Variants in ZNF532 observed in about 807,000 individuals in gnomAD.
ZNF532 encodes zinc finger protein 532.
ZNF532 carries 22 observed loss-of-function variants against 89.3 expected under a neutral mutation model. That is an observed-to-expected ratio of 0.25 (90% CI 0.18 to 0.35). The LOEUF (loss-of-function observed/expected upper bound fraction) is 0.35, where lower values mean the gene tolerates loss of function less well. Ranked by LOEUF, ZNF532 falls within the 10% of genes least tolerant of loss-of-function variation. The pLI is 1.00. For missense variants in ZNF532, 1,132 were observed against 1,643.4 expected (o/e 0.69, Z 5.38); for synonymous variants, 606 against 649.6 (o/e 0.93, Z 1.02).
chr18:58,915,008 T>C (rs1022580855), intron 2 of ZNF532, among the ~76,000 whole-genome samples: 3 of 152,226 alleles, frequency 2.0e-5, no homozygotes, highest in South Asian at 2.1e-4. Flanking sequence ...GTGGGAGTTA[T>C]ACATTTTTTT....
At chr18:58,983,111 TAAAAAA>T (rs201866160) in intron 9 of ZNF532, among the ~76,000 whole-genome samples, 1 of 151,436 alleles carries the variant, frequency 6.6e-6, no homozygotes, top group Admixed American at 6.6e-5. Context: ...GACTCCGTCT[TAAAAAA>T]AAAGAAAGTG....
intron 2 of ZNF532, among the ~76,000 whole-genome samples, chr18:58,901,568 G>T (rs2059602861): frequency 6.6e-6 from 1 of 152,242 alleles, no homozygotes; most frequent in Non-Finnish European, 1.5e-5. Flanking sequence ...GCCAGCACCT[G>T]CTCTTTGGAG....
chr18:58,877,363 T>A (rs1264665011), intron 2 of ZNF532, among the ~76,000 whole-genome samples: 1 of 152,186 alleles, frequency 6.6e-6, no homozygotes, highest in Admixed American at 6.5e-5. Context: ...AACAGGAGAT[T>A]GAGTTGCAGG....
At position 58,919,328 on chromosome 18, in the gene ZNF532, C is replaced by T. The variant is rs1173154483; in HGVS notation, c.1041C>T (p.Ser347=). 1 of 1,614,142 alleles carries T rather than the reference C, an allele frequency of 6.2e-7. No homozygotes were observed. Among genetic ancestry groups the T allele is most frequent in the Non-Finnish European group, 8.5e-7 (1 of 1,180,018 alleles). The part of the protein sequence containing the change: ...SISSENSSKG[S]PSSPAGSTPA... The stretch of plus-strand genomic sequence containing the variant: ...CAAGTGAGAACAGCAGCAAAGGATC[C>T]CCGTCCTCTCCCGCAGGGTCCACAC... Residue 347 remains serine, a synonymous_variant, in exon 3 of 10, where the codon TCC becomes TCT. Coordinates refer to ENST00000591808, the MANE Select transcript of ZNF532 (RefSeq NM_001375912.1). This position sits in a 1 kb window ranked among gnomAD's most constrained non-coding sequence, Gnocchi z 6.1.
Position 58,977,207 on chromosome 18 carries a change from C to T in ZNF532, c.3151-1848C>T, listed in dbSNP as rs573634325. On this transcript the variant is annotated intron_variant, in intron 7 of 9. Coordinates refer to ENST00000591808, the MANE Select transcript of ZNF532 (RefSeq NM_001375912.1). The stretch of plus-strand genomic sequence containing the variant: ...AGACTGATTTGGTTTATTTAAAAGA[C>T]AGACAGTATTTTTCTATGCTTTTTG... Among the ~76,000 whole-genome samples, 15 of 152,274 alleles carry T rather than the reference C, an allele frequency of 9.9e-5. No individual in the cohort carries two copies. The East Asian group carries it at 2.3e-3, about 23-fold the overall frequency.
intron 2 of ZNF532, among the ~76,000 whole-genome samples, chr18:58,885,576 T>C (rs36027969): frequency 0.22 from 34,122 of 152,060 alleles, 4,419 homozygotes; most frequent in Middle Eastern, 0.41. Flanking sequence ...ACAGTTGGAC[T>C]GGGCATGGTG....
At chr18:58,942,266 C>T (rs2063190407) in intron 5 of ZNF532, among the ~76,000 whole-genome samples, 1 of 149,264 alleles carries the variant, frequency 6.7e-6, no homozygotes, top group Non-Finnish European at 1.5e-5. Flanking sequence ...TCGTGATCCG[C>T]CCACCTTGGC....
intron 2 of ZNF532, among the ~76,000 whole-genome samples, chr18:58,891,002 C>G (rs1001982733): frequency 9.9e-5 from 15 of 151,880 alleles, no homozygotes; most frequent in Non-Finnish European, 1.9e-4. Flanking sequence ...GCCACCGTAT[C>G]GGGCTAACTG....
At chr18:58,906,312 A>G (rs2059933007) in intron 2 of ZNF532, among the ~76,000 whole-genome samples, 1 of 152,080 alleles carries the variant, frequency 6.6e-6, no homozygotes, top group Non-Finnish European at 1.5e-5. Flanking sequence ...ATTCATGGAT[A>G]TTTATTTAAT....
intron 7 of ZNF532, among the ~76,000 whole-genome samples, chr18:58,978,094 AAT>A (rs2067262480): frequency 6.6e-6 from 1 of 152,206 alleles, no homozygotes; most frequent in African/African-American, 2.4e-5. Context: ...TCTGCATGGA[AAT>A]ATATTCAGTT....
chr18:58,927,055 A>G (rs550469060), intron 3 of ZNF532, among the ~76,000 whole-genome samples: 20 of 152,076 alleles, frequency 1.3e-4, no homozygotes, highest in Non-Finnish European at 2.4e-4. Flanking sequence ...CCCTCCTTCA[A>G]TTTTTCTGGA....
chr18:58,956,005 C>G (rs369136491), intron 7 of ZNF532, among the ~76,000 whole-genome samples: 20 of 152,216 alleles, frequency 1.3e-4, no homozygotes, highest in Non-Finnish European at 2.6e-4. Flanking sequence ...CCAGTCCTTT[C>G]ATTTCGTGAG....
Position 58,891,359 on chromosome 18 carries a change from A to G in ZNF532, c.-18+25780A>G, listed in dbSNP as rs577439936. On this transcript the variant is annotated intron_variant, in intron 2 of 9. Coordinates refer to ENST00000591808, the MANE Select transcript of ZNF532 (RefSeq NM_001375912.1). Reference sequence around the variant, plus strand: ...AGCTTGGCCAACATGGCGAAACCCTATCTCTACTAAAAATACAAAAATTAG... The same window carrying G: ...AGCTTGGCCAACATGGCGAAACCCTGTCTCTACTAAAAATACAAAAATTAG... Among the ~76,000 whole-genome samples the G allele has an allele frequency of 2.0e-5, 3 of 152,248 alleles. No homozygotes were observed. In the East Asian group the frequency reaches 5.8e-4, roughly 30 times the overall value.
chr18:58,865,358 T>C lies in ZNF532; in HGVS notation c.-155T>C, dbSNP rs1243188344. 6.6e-6 allele frequency: 1 copy of C among 152,476 alleles called. No homozygotes were observed. Among genetic ancestry groups the C allele is most frequent in the East Asian group, 1.9e-4 (1 of 5,200 alleles). The allele number at this position is 152,476 out of a possible 1,614,324, so 9.4% of individuals were successfully genotyped here. On this transcript the variant is annotated 5_prime_UTR_variant, in exon 1 of 10. The change abolishes an upstream ATG in the 5' untranslated region. Coordinates refer to ENST00000591808, the MANE Select transcript of ZNF532 (RefSeq NM_001375912.1). ...AGAAGCTACTAAAGGGTGTTGGGGA[T>C]GCTTCTGACTATTATGAAGGCCAAA... is the stretch of plus-strand genomic sequence containing the variant.
At chr18:58,877,239 A>T (rs1483605315) in intron 2 of ZNF532, among the ~76,000 whole-genome samples, 1 of 152,156 alleles carries the variant, frequency 6.6e-6, no homozygotes, top group Non-Finnish European at 1.5e-5. Flanking sequence ...CACTTCATGT[A>T]GCAGTGTTGG....
At chr18:58,965,911 C>T (rs2147304002) in intron 7 of ZNF532, among the ~76,000 whole-genome samples, 1 of 152,244 alleles carries the variant, frequency 6.6e-6, no homozygotes, top group Non-Finnish European at 1.5e-5. Context: ...TGGAGAAATG[C>T]ACAAGAGAGA....
intron 7 of ZNF532, among the ~76,000 whole-genome samples, chr18:58,970,616 T>G (rs1220104514): frequency 2.0e-5 from 3 of 152,242 alleles, no homozygotes; most frequent in African/African-American, 7.2e-5. Flanking sequence ...CGTCAGTCAT[T>G]GTGAAGGAGA....
chr18:58,897,132 G>A (rs865801621), intron 2 of ZNF532, among the ~76,000 whole-genome samples: 1 of 152,070 alleles, frequency 6.6e-6, no homozygotes, highest in Non-Finnish European at 1.5e-5. Flanking sequence ...GTTAGCAGGG[G>A]TGGGGGGGAT....
intron 7 of ZNF532, among the ~76,000 whole-genome samples, chr18:58,975,566 C>T (rs1243974394): frequency 6.6e-6 from 1 of 152,198 alleles, no homozygotes; most frequent in African/African-American, 2.4e-5. Context: ...CGTACCATCC[C>T]AAGCACAGCA....
Sources: allele counts gnomAD v4.1 joint callset (sites outside exome capture counted in the v4.1 genomes callset), GRCh38; gene constraint gnomAD v4.1.1; non-coding constraint Gnocchi (gnomAD v3.1); transcripts MANE v1.5; gene names NCBI Gene and HGNC (gene_info 2026-07-23, HGNC 2026-07-21).